The following ROBO2 variants were observed in gnomAD, a reference collection of about 807,000 sequenced individuals.
ROBO2 encodes the protein roundabout guidance receptor 2, also known as roundabout homolog 2.
ROBO2 carries 53 observed loss-of-function variants against 160.8 expected under a neutral mutation model. That is an observed-to-expected ratio of 0.33 (90% CI 0.26 to 0.41). The LOEUF (loss-of-function observed/expected upper bound fraction) is 0.41. Among genes scored for constraint, ROBO2 ranks in the 10% least tolerant of loss-of-function variants. The probability of loss-of-function intolerance (pLI) is 1.00; values close to 1 mark genes in which losing one functional copy is unlikely to be tolerated. For synonymous variants in ROBO2, 664 were observed against 611.7 expected (o/e 1.09, Z -1.26); for missense variants, 1,577 against 1,722.4 (o/e 0.92, Z 1.49).
chr3:76,136,345 G>A (rs1466662664), intron 2 of ROBO2, among the ~76,000 whole-genome samples: 1 of 151,900 alleles, frequency 6.6e-6, no homozygotes, highest in Non-Finnish European at 1.5e-5. Flanking sequence ...TGTCTAAACA[G>A]TTTTTATTGA....
chr3:76,700,769 G>C (rs2093031004), intron 2 of ROBO2, among the ~76,000 whole-genome samples: 1 of 152,084 alleles, frequency 6.6e-6, no homozygotes, highest in Non-Finnish European at 1.5e-5. Context: ...CTCTCCTTAA[G>C]GAGGACTTTA....
At chr3:76,733,987 A>C (rs1223816780) in intron 2 of ROBO2, among the ~76,000 whole-genome samples, 1 of 152,086 alleles carries the variant, frequency 6.6e-6, no homozygotes, top group Non-Finnish European at 1.5e-5. Context: ...TTATATTTTC[A>C]CATGTAGGAG....
intron 17 of ROBO2, among the ~76,000 whole-genome samples, chr3:77,589,486 T>C (rs577035267): frequency 2.6e-5 from 4 of 152,164 alleles, no homozygotes; most frequent in East Asian, 1.9e-4. Flanking sequence ...TAGACTCTTA[T>C]TACAATGCAA....
intron 2 of ROBO2, among the ~76,000 whole-genome samples, chr3:76,783,222 CATTA>C (rs2062762948): frequency 6.6e-6 from 1 of 150,766 alleles, no homozygotes; most frequent in African/African-American, 2.4e-5. Flanking sequence ...ATGGTGTATG[CATTA>C]AGTAATTACT....
chr3:77,215,998 G>A (rs562919851), intron 2 of ROBO2, among the ~76,000 whole-genome samples: 3 of 152,132 alleles, frequency 2.0e-5, no homozygotes, highest in East Asian at 1.9e-4. Context: ...CTACTGGGGG[G>A]TGCCTCCCAG....
At chr3:77,580,238 A>G in intron 16 of ROBO2, 120 bp downstream of exon 17, 2 of 925,798 alleles carry the variant, frequency 2.2e-6, no homozygotes, top group East Asian at 2.5e-5. Flanking sequence ...TACACATATC[A>G]TATTGACAAA....
chr3:76,928,641 A>G (rs2077136348), intron 2 of ROBO2, among the ~76,000 whole-genome samples: 1 of 152,074 alleles, frequency 6.6e-6, no homozygotes, highest in African/African-American at 2.4e-5. Flanking sequence ...TAAATTTCAC[A>G]GGGTCTCAAC....
At chr3:77,477,981 C>T (rs2084233218) in intron 3 of ROBO2, among the ~76,000 whole-genome samples, 1 of 151,850 alleles carries the variant, frequency 6.6e-6, no homozygotes, top group Non-Finnish European at 1.5e-5. Flanking sequence ...TGTGCGCCAC[C>T]ACGCCCAGCT....
chr3:76,594,631 T>A (rs2086625731), intron 2 of ROBO2, among the ~76,000 whole-genome samples: 1 of 151,970 alleles, frequency 6.6e-6, no homozygotes, highest in Non-Finnish European at 1.5e-5. Flanking sequence ...TTCTAACAAC[T>A]CCTCTGTCTC....
intron 2 of ROBO2, among the ~76,000 whole-genome samples, chr3:76,810,832 A>T (rs2108985289): frequency 6.6e-6 from 1 of 152,324 alleles, no homozygotes; most frequent in African/African-American, 2.4e-5. Context: ...AAATTAAGAA[A>T]GGTATTAAGA....
chr3:77,360,399 G>A (rs2069782343), intron 2 of ROBO2, among the ~76,000 whole-genome samples: 1 of 152,008 alleles, frequency 6.6e-6, no homozygotes, highest in African/African-American at 2.4e-5. Context: ...AGGGTGGAGA[G>A]GAAAGGTGGG....
At chr3:76,819,769 G>A (rs984439443) in intron 2 of ROBO2, among the ~76,000 whole-genome samples, 1 of 152,040 alleles carries the variant, frequency 6.6e-6, no homozygotes, top group Admixed American at 6.6e-5. Context: ...AACAGTAAAA[G>A]GAAATAATTC....
chr3:77,581,483 G>A (rs1008602096), intron 16 of ROBO2, among the ~76,000 whole-genome samples: 1 of 152,050 alleles, frequency 6.6e-6, no homozygotes, highest in Non-Finnish European at 1.5e-5. Flanking sequence ...GTGGTTAAAG[G>A]AATGAGGCTT....
chr3:76,214,680 C>G (rs372397511), intron 2 of ROBO2, among the ~76,000 whole-genome samples: 3 of 152,202 alleles, frequency 2.0e-5, no homozygotes, highest in African/African-American at 4.8e-5. Context: ...TGAACTGGGT[C>G]GAGCCCACCA....
chr3:76,911,403 T>A (rs2075984712), intron 2 of ROBO2, among the ~76,000 whole-genome samples: 1 of 152,160 alleles, frequency 6.6e-6, no homozygotes, highest in Non-Finnish European at 1.5e-5. Context: ...CTTTCAAATT[T>A]AAACCAAAAT....
intron 2 of ROBO2, among the ~76,000 whole-genome samples, chr3:76,968,413 A>G (rs1195789586): frequency 6.6e-6 from 1 of 152,142 alleles, no homozygotes; most frequent in Non-Finnish European, 1.5e-5. Context: ...TCTCACAATG[A>G]TCTAATCAAT....
chr3:77,240,391 C>G (rs370366202), intron 2 of ROBO2, among the ~76,000 whole-genome samples: 1 of 152,154 alleles, frequency 6.6e-6, no homozygotes, highest in African/African-American at 2.4e-5. Context: ...GTGGGCCCGC[C>G]GAGCCCACGC....
intron 2 of ROBO2, among the ~76,000 whole-genome samples, chr3:76,167,907 A>G (rs2072898774): frequency 6.6e-6 from 1 of 152,164 alleles, no homozygotes. Context: ...TGTGTAAGGT[A>G]ATCATTCCTG....
intron 2 of ROBO2, among the ~76,000 whole-genome samples, chr3:76,343,499 C>A (rs528302254): frequency 6.6e-6 from 1 of 151,908 alleles, no homozygotes; most frequent in Admixed American, 6.6e-5. Context: ...TCGAATATAA[C>A]CTATAAATCA....
Sources: gnomAD v4.1 joint callset for allele counts (sites outside exome capture counted in the v4.1 genomes callset) on GRCh38, gnomAD v4.1.1 for gene constraint, MANE v1.5 for transcripts, NCBI Gene and HGNC (gene_info 2026-07-23, HGNC 2026-07-21) for gene names.